Variants in ZNF506 observed in about 807,000 individuals in gnomAD.
ZNF506 encodes zinc finger protein 506.
A neutral mutation model predicts 11.6 loss-of-function variants in ZNF506; 10 were observed. The ratio of observed to expected loss-of-function variants is 0.86; its 90% CI spans 0.53 to 1.46. The LOEUF is 1.46. Ranked by LOEUF, ZNF506 falls within the 40% of genes most tolerant of loss-of-function variation. ZNF506 has a pLI of 0.00. For missense variants in ZNF506, 425 were observed against 521.2 expected, an observed-to-expected ratio of 0.82 and a Z score of 1.80; for synonymous variants, 156 against 173.3, an observed-to-expected ratio of 0.90 and a Z score of 0.78.
At position 19,793,026 on chromosome 19, in the gene ZNF506, A is replaced by G. The variant is rs952082915; in HGVS notation, c.*1526T>C. Among the ~76,000 whole-genome samples, 2 of 152,336 alleles carry G rather than the reference A, an allele frequency of 1.3e-5. No individual in the cohort carries two copies. The highest frequency in any genetic ancestry group is 2.1e-4 in the South Asian group (1 of 4,828). On this transcript the variant is annotated 3_prime_UTR_variant, in exon 4 of 4. Transcript: ENST00000540806. The stretch of plus-strand genomic sequence containing the variant: ...CTGTAATATCCCTGATGCAGCAACA[A>G]TTGATCACATGCTTTCACATGTGAC...
intron 1 of ZNF506, among the ~76,000 whole-genome samples, chr19:19,813,227 A>G (rs1221236516): frequency 1.3e-5 from 2 of 152,224 alleles, no homozygotes; most frequent in Non-Finnish European, 2.9e-5. Context: ...GAATAAAGTA[A>G]TAAACATGTC....
chr19:19,814,441 G>A (rs2062912275), intron 1 of ZNF506, among the ~76,000 whole-genome samples: 2 of 83,094 alleles, frequency 2.4e-5, no homozygotes, highest in Admixed American at 2.4e-4. Context: ...TAATAATGCA[G>A]AAACAGAAAA....
Position 19,794,947 on chromosome 19 carries a change from T to G in ZNF506, c.940A>C (p.Lys314Gln). ...EIIHTGEKPY[K>Q]CEECGKAFNR... ...AAAGCTTTGCCACATTCCTCACATT[T>G]GTAGGGTTTCTCTCCAGTATGAATT... Residue 314 changes from lysine to glutamine, a missense_variant, in exon 4 of 4, where the codon AAA (lysine) becomes CAA (glutamine). This residue lies in a region of ZNF506 where 192 missense variants were observed against 215.7 expected (regional missense o/e 0.89). Coordinates refer to ENST00000540806, the MANE Select transcript of ZNF506 (RefSeq NM_001099269.3). The G allele has an allele frequency of 6.2e-7, 1 of 1,613,902 alleles. No individual in the cohort carries two copies. The highest frequency in any genetic ancestry group is 8.5e-7 in the Non-Finnish European group (1 of 1,179,996).
At chr19:19,813,115 G>T (rs1452898460) in intron 1 of ZNF506, among the ~76,000 whole-genome samples, 1 of 152,104 alleles carries the variant, frequency 6.6e-6, no homozygotes, top group South Asian at 2.1e-4. Context: ...GGTGGTGTTT[G>T]GGTGGCCACA....
rs754283632 is a variant in ZNF506, at chr19:19,814,436, A to ATAATAATAATAATAG, written c.3+7164_3+7165insCTATTATTATTATTA. Among the ~76,000 whole-genome samples, 213 of 149,528 alleles carry ATAATAATAATAATAG rather than the reference A, an allele frequency of 1.4e-3. 1 individual carries two copies. Among genetic ancestry groups the ATAATAATAATAATAG allele is most frequent in the African/African-American group, 5.2e-3 (207 of 39,844 alleles). On this transcript the variant is annotated intron_variant, in intron 1 of 3. Transcript: ENST00000540806. ...AATAATAATAATAATAATAATAATA[A>ATAATAATAATAATAG]TGCAGAAACAGAAAACCAAATGCAT...
At chr19:19,804,383 A>G (rs1406360529) in intron 3 of ZNF506, among the ~76,000 whole-genome samples, 1 of 152,222 alleles carries the variant, frequency 6.6e-6, no homozygotes, top group African/African-American at 2.4e-5. Context: ...CCACAATGAG[A>G]TACCATCTCA....
Position 19,816,887 on chromosome 19 carries a change from T to C in ZNF506, c.3+4714A>G, listed in dbSNP as rs1354622279. On this transcript the variant is annotated intron_variant, in intron 1 of 3. Transcript: ENST00000540806. ...CAGGCTGGAGTGCAACGGCGCCGTC[T>C]TGGCTCACTGCAACCTCCACCTCCC... Among the ~76,000 whole-genome samples, 5 of 146,274 alleles carry C rather than the reference T, an allele frequency of 3.4e-5. No homozygotes were observed. The East Asian group carries it at 1.1e-3, about 31-fold the overall frequency.
Position 19,795,171 on chromosome 19 carries a change from T to G in ZNF506, c.716A>C (p.Lys239Thr), listed in dbSNP as rs2062729204. The change falls in exon 4 of 4, where the codon AAG becomes ACG. Residue 239 changes from lysine to threonine, a missense_variant. Around this residue, in one of 3 missense-constraint regions of ZNF506, gnomAD observed 226 missense variants for 279.1 expected, o/e 0.81. Coordinates refer to ENST00000540806, the MANE Select transcript of ZNF506 (RefSeq NM_001099269.3). ...YKCEECGKAY[K>T]QSCNLTTHKI... ...ATGTGTAGTAAGGTTACAGGACTGC[T>G]TATAGGCTTTGCCACATTCTTCACA... 6.2e-7 allele frequency: 1 copy of G among 1,612,966 alleles called. No homozygotes were observed. The highest frequency in any genetic ancestry group is 8.5e-7 in the Non-Finnish European group (1 of 1,179,710).
chr19:19,820,714 AATAAC>A (rs1222904527), intron 1 of ZNF506: 1 of 152,126 alleles, frequency 6.6e-6, no homozygotes, highest in Non-Finnish European at 1.5e-5. Context: ...AATAAAATAA[AATAAC>A]AACTACGTAA....
At position 19,795,073 on chromosome 19, in the gene ZNF506, G is replaced by A. The variant is rs1599504755; in HGVS notation, c.814C>T (p.Leu272Phe). Residue 272 changes from leucine to phenylalanine, a missense_variant, in exon 4 of 4, where the codon CTT becomes TTT. Coordinates refer to ENST00000540806, the MANE Select transcript of ZNF506 (RefSeq NM_001099269.3). ...GTATGAATTTTCTTATGTGAAAAAA[G>A]GGTTGCAGGGTGGTTAAAAGCTTTG... ...CGKAFNHPAT[L>F]FSHKKIHTGE... is the part of the protein sequence containing the mutation. 6.2e-7 allele frequency: 1 copy of A among 1,613,824 alleles called. No homozygotes were observed. The highest frequency in any genetic ancestry group is 8.5e-7 in the Non-Finnish European group (1 of 1,179,922).
intron 3 of ZNF506, among the ~76,000 whole-genome samples, chr19:19,801,835 A>C (rs867240835): frequency 1.3e-5 from 2 of 151,676 alleles, no homozygotes; most frequent in Admixed American, 6.6e-5. Context: ...ACTAATGTGG[A>C]ACTTCAAAAC....
At chr19:19,796,999 T>C (rs2062747533) in intron 3 of ZNF506, 1 of 151,968 alleles carries the variant, frequency 6.6e-6, no homozygotes, top group Admixed American at 6.6e-5. Context: ...GACAGAGCTA[T>C]ATTATAAAAA....
At chr19:19,808,342 C>T (rs1190531013) in intron 1 of ZNF506, among the ~76,000 whole-genome samples, 1 of 148,672 alleles carries the variant, frequency 6.7e-6, no homozygotes, top group Admixed American at 6.7e-5. Flanking sequence ...CCAGGATGGT[C>T]TCGATTTCCT....
rs879793334 is a variant in ZNF506 at position 19,793,135 on chromosome 19, A to C, written c.*1417T>G. Reference sequence around the variant, plus strand: ...CACTGTTCAAAAATTTTTTTCAAGAAACAAGTACACTTTCAATGAAATTAC... The same window carrying C: ...CACTGTTCAAAAATTTTTTTCAAGACACAAGTACACTTTCAATGAAATTAC... On this transcript the variant is annotated 3_prime_UTR_variant, in exon 4 of 4. Coordinates refer to ENST00000540806, the MANE Select transcript of ZNF506 (RefSeq NM_001099269.3). 1.3e-5 allele frequency among the ~76,000 whole-genome samples: 2 copies of C among 152,180 alleles called. No individual in the cohort carries two copies. The highest frequency in any genetic ancestry group is 2.9e-5 in the Non-Finnish European group (2 of 68,014).
intron 1 of ZNF506, among the ~76,000 whole-genome samples, chr19:19,814,623 C>T (rs1368199752): frequency 6.6e-6 from 1 of 151,822 alleles, no homozygotes; most frequent in South Asian, 2.1e-4. Flanking sequence ...ACAAAGTAAT[C>T]TGCACACCAA....
chr19:19,815,217 G>A (rs535850734), intron 1 of ZNF506, among the ~76,000 whole-genome samples: 2 of 152,154 alleles, frequency 1.3e-5, no homozygotes, highest in Non-Finnish European at 2.9e-5. Flanking sequence ...CCGAGATCGC[G>A]CCACTGCACT....
chr19:19,819,298 C>G (rs1045946200), intron 1 of ZNF506, among the ~76,000 whole-genome samples: 1 of 151,732 alleles, frequency 6.6e-6, no homozygotes, highest in Admixed American at 6.6e-5. Flanking sequence ...ATCTGATTGT[C>G]TGACCAGCAA....
At chr19:19,815,182 C>T (rs1347265462) in intron 1 of ZNF506, among the ~76,000 whole-genome samples, 2 of 152,194 alleles carry the variant, frequency 1.3e-5, no homozygotes, top group Non-Finnish European at 2.9e-5. Flanking sequence ...ATGGCGTGAA[C>T]CCGGGAGGCG....
chr19:19,801,933 G>A (rs1177250577), intron 3 of ZNF506, among the ~76,000 whole-genome samples: 1 of 151,670 alleles, frequency 6.6e-6, no homozygotes, highest in African/African-American at 2.4e-5. Flanking sequence ...GCCAGGCGCA[G>A]TGGCTCACAT....
Sources: allele counts gnomAD v4.1 joint callset (sites outside exome capture counted in the v4.1 genomes callset), GRCh38; gene constraint gnomAD v4.1.1; regional missense constraint gnomAD v4.1.1; transcripts MANE v1.5; gene names NCBI Gene and HGNC (gene_info 2026-07-23, HGNC 2026-07-21).